TRAPPC9: variants seen among roughly 807,000 people sequenced by gnomAD.
TRAPPC9 encodes IKK2 binding protein.
TRAPPC9 carries 83 observed loss-of-function variants against 124.0 expected under a neutral mutation model. The observed-to-expected ratio is 0.67, with a 90% CI of 0.56 to 0.80. The LOEUF is 0.80. Ranked by LOEUF, TRAPPC9 falls within the 30% of genes least tolerant of loss-of-function variation. The probability of loss-of-function intolerance (pLI) is 0.00; values close to 1 mark genes in which losing one functional copy is unlikely to be tolerated. For missense variants in TRAPPC9, 1,302 were observed against 1,508.3 expected (o/e 0.86, Z 2.27); for synonymous variants, 638 against 617.5 (o/e 1.03, Z -0.49).
At chr8:140,432,762 C>T (rs767727623) in intron 4 of TRAPPC9, among the ~76,000 whole-genome samples, 62 of 151,998 alleles carry the variant, frequency 4.1e-4, no homozygotes, top group Non-Finnish European at 2.5e-4. Flanking sequence ...GTCCCAGCTA[C>T]TCGGGAGGCT....
intron 18 of TRAPPC9, among the ~76,000 whole-genome samples, chr8:140,019,195 G>A (rs1039933602): frequency 1.3e-5 from 2 of 151,982 alleles, no homozygotes; most frequent in Non-Finnish European, 2.9e-5. Context: ...ATATATCACT[G>A]AAGTTGATTT....
chr8:140,092,699 C>T (rs768563375), intron 17 of TRAPPC9, among the ~76,000 whole-genome samples: 1 of 152,182 alleles, frequency 6.6e-6, no homozygotes, highest in Non-Finnish European at 1.5e-5. Context: ...CCTCTGGTGA[C>T]AAATGGATGA....
chr8:140,411,295 G>A (rs970586897), intron 5 of TRAPPC9, among the ~76,000 whole-genome samples: 1 of 152,120 alleles, frequency 6.6e-6, no homozygotes, highest in Non-Finnish European at 1.5e-5. Context: ...TTAGAAAAAC[G>A]TCCGATTCCA....
At chr8:140,050,329 T>C (rs917474035) in intron 17 of TRAPPC9, among the ~76,000 whole-genome samples, 1 of 152,220 alleles carries the variant, frequency 6.6e-6, no homozygotes, top group Non-Finnish European at 1.5e-5. Context: ...ACTCTCCAAC[T>C]GGAGAATGCA....
chr8:140,077,555 G>A (rs372135876), intron 17 of TRAPPC9, among the ~76,000 whole-genome samples: 55 of 151,990 alleles, frequency 3.6e-4, no homozygotes, highest in African/African-American at 1.3e-3. Context: ...GGTGCCTTCC[G>A]CTATCTTCTG....
chr8:140,032,479 A>T (rs941628457), intron 17 of TRAPPC9, among the ~76,000 whole-genome samples: 1 of 151,682 alleles, frequency 6.6e-6, no homozygotes, highest in Non-Finnish European at 1.5e-5. Context: ...CCACCTTTGT[A>T]TGCCTTATTG....
At chr8:139,886,468 T>TC (rs1241133098) in intron 20 of TRAPPC9, among the ~76,000 whole-genome samples, 7 of 152,112 alleles carry the variant, frequency 4.6e-5, no homozygotes, top group Non-Finnish European at 8.8e-5. Context: ...AGCCATAAAG[T>TC]CTCTCAGCAA....
chr8:140,376,553 TAA>T (rs34319639), intron 7 of TRAPPC9, among the ~76,000 whole-genome samples: 28 of 49,752 alleles, frequency 5.6e-4, no homozygotes, highest in African/African-American at 9.8e-4. Context: ...AGACTCCATC[TAA>T]AAAAAAAAAA....
In TRAPPC9 at chr8:140,457,721, G is replaced by C. The variant is rs931489128; in HGVS notation, c.-93C>G. ...GAGCAGCCTCTGCGGCCACTTCCCA[G>C]GCTCTGGGCTGGCGCTTCCTACTGG... On this transcript the variant is annotated 5_prime_UTR_variant, in exon 1 of 23. Coordinates refer to ENST00000438773, the MANE Select transcript of TRAPPC9 (RefSeq NM_001160372.4). The C allele has an allele frequency of 3.0e-6, 3 of 990,688 alleles. No individual in the cohort carries two copies. The highest frequency in any genetic ancestry group is 1.1e-4 in the East Asian group (1 of 8,816). The allele number at this position is 990,688 out of a possible 1,614,324, so 61.4% of individuals were successfully genotyped here. A position where few individuals can be genotyped will look rare whatever the true frequency, so the allele number is the denominator to read the frequency against.
chr8:140,046,246 G>C (rs966117514), intron 17 of TRAPPC9, among the ~76,000 whole-genome samples: 10 of 152,394 alleles, frequency 6.6e-5, no homozygotes, highest in Admixed American at 5.9e-4. Context: ...TGCTCCGTGT[G>C]TTGTCCCAGG....
Position 140,439,035 on chromosome 8 carries a change from T to C in TRAPPC9, c.730+17A>G. 1 of 1,613,932 alleles carries C rather than the reference T, an allele frequency of 6.2e-7. No homozygotes were observed. Reference sequence around the variant, plus strand: ...GAAACAATTACATATCAGATCATCTTCATCAGCTCATCTTACCTCCAAGCC... The same window carrying C: ...GAAACAATTACATATCAGATCATCTCCATCAGCTCATCTTACCTCCAAGCC... On this transcript the variant is annotated intron_variant, in intron 3 of 22. Transcript: ENST00000438773.
In TRAPPC9 at chr8:139,781,780, G is replaced by A. The variant is rs540984543; in HGVS notation, c.3056-49578C>T. On this transcript the variant is annotated intron_variant, in intron 21 of 22. Transcript: ENST00000438773. Reference sequence around the variant, plus strand: ...TATGGGAACTCTGTACTTTCTACTCGATTTTGCTGTGAACCTAAAACTGCT... The same window carrying A: ...TATGGGAACTCTGTACTTTCTACTCAATTTTGCTGTGAACCTAAAACTGCT... 1.1e-4 allele frequency among the ~76,000 whole-genome samples: 16 copies of A among 152,216 alleles called. No individual in the cohort carries two copies. The East Asian group carries it at 2.3e-3, about 22-fold the overall frequency.
chr8:140,352,472 C>T lies in TRAPPC9; in HGVS notation c.1495+7578G>A, dbSNP rs138712551. 1.2e-4 allele frequency among the ~76,000 whole-genome samples: 18 copies of T among 152,300 alleles called. No individual in the cohort carries two copies. In the East Asian group the frequency reaches 2.7e-3, roughly 23 times the overall value. On this transcript the variant is annotated intron_variant, in intron 9 of 22. Transcript: ENST00000438773. ...GAGACCTGGGATTCTGTGCTACTTC[C>T]GCTGAACGAGGAACTGGCAGCCTAA...
At chr8:139,937,841 C>T (rs574042040) in intron 19 of TRAPPC9, among the ~76,000 whole-genome samples, 38 of 152,270 alleles carry the variant, frequency 2.5e-4, no homozygotes, top group African/African-American at 8.9e-4. Flanking sequence ...CTTGACAAAG[C>T]CATCGCTGAG....
At chr8:139,981,986 G>T (rs546401346) in intron 19 of TRAPPC9, among the ~76,000 whole-genome samples, 1 of 152,156 alleles carries the variant, frequency 6.6e-6, no homozygotes, top group Non-Finnish European at 1.5e-5. Context: ...GGACAGAGCC[G>T]GGCATCTTAA....
At chr8:139,801,847 G>A (rs1160202294) in intron 21 of TRAPPC9, among the ~76,000 whole-genome samples, 1 of 152,182 alleles carries the variant, frequency 6.6e-6, no homozygotes, top group African/African-American at 2.4e-5. Flanking sequence ...AAACCCTGAA[G>A]CAGTGGTCTG....
chr8:139,976,253 T>A (rs2319586), intron 19 of TRAPPC9, among the ~76,000 whole-genome samples: 117,345 of 151,970 alleles, frequency 0.77, 46,284 homozygotes, highest in East Asian at 0.92. Context: ...TAAGAAAAGC[T>A]TTCACCTCAC....
chr8:140,338,936 C>G (rs1185347218), intron 9 of TRAPPC9, among the ~76,000 whole-genome samples: 1 of 103,292 alleles, frequency 9.7e-6, no homozygotes, highest in African/African-American at 4.4e-5. Flanking sequence ...CGACGGGAAA[C>G]GGCTCAGAGA....
At chr8:140,219,696 T>C (rs2063289903) in intron 17 of TRAPPC9, among the ~76,000 whole-genome samples, 1 of 152,166 alleles carries the variant, frequency 6.6e-6, no homozygotes, top group South Asian at 2.1e-4. Flanking sequence ...CTGCAAACCC[T>C]GCTGTCTCCA....
Sources: gnomAD v4.1 joint callset for allele counts (sites outside exome capture counted in the v4.1 genomes callset) on GRCh38, gnomAD v4.1.1 for gene constraint, MANE v1.5 for transcripts, NCBI Gene and HGNC (gene_info 2026-07-23, HGNC 2026-07-21) for gene names.